The following RIN2 variants were observed in gnomAD, a reference collection of about 807,000 sequenced individuals.
RIN2 encodes Ras and Rab interactor 2.
A neutral mutation model predicts 78.0 loss-of-function variants in RIN2; 36 were observed. The ratio of observed to expected loss-of-function variants is 0.46; its 90% CI spans 0.35 to 0.61. The LOEUF (loss-of-function observed/expected upper bound fraction) is 0.61. Ranked by LOEUF, RIN2 falls within the 20% of genes least tolerant of loss-of-function variation. The pLI is 0.00. For synonymous variants in RIN2, 466 were observed against 466.8 expected (o/e 1.00, Z 0.02); for missense variants, 1,087 against 1,159.7 (o/e 0.94, Z 0.91).
chr20:19,895,505 A>G (rs932268098), intron 3 of RIN2, among the ~76,000 whole-genome samples: 2 of 152,146 alleles, frequency 1.3e-5, no homozygotes, highest in African/African-American at 4.8e-5. Context: ...GTGAGAGTTG[A>G]GAGTTGCTCT....
At chr20:19,940,369 C>T (rs546340538) in intron 4 of RIN2, among the ~76,000 whole-genome samples, 7 of 152,194 alleles carry the variant, frequency 4.6e-5, no homozygotes, top group South Asian at 2.1e-4. Context: ...GGCCACCAAC[C>T]GGTGCATAAA....
At chr20:19,821,215 C>G (rs1046103870) in intron 2 of RIN2, among the ~76,000 whole-genome samples, 1 of 152,212 alleles carries the variant, frequency 6.6e-6, no homozygotes, top group Non-Finnish European at 1.5e-5. Flanking sequence ...ACAGGCTCCT[C>G]AAATTTAGCT....
chr20:19,859,977 A>G (rs957572453), intron 2 of RIN2, among the ~76,000 whole-genome samples: 1 of 152,160 alleles, frequency 6.6e-6, no homozygotes, highest in African/African-American at 2.4e-5. Context: ...CAAGCCTGGC[A>G]CCCCTGTGGA....
At chr20:19,777,661 G>T (rs757988045) in intron 1 of RIN2, among the ~76,000 whole-genome samples, 5 of 152,190 alleles carry the variant, frequency 3.3e-5, no homozygotes, top group Non-Finnish European at 7.3e-5. Flanking sequence ...ATTCATTTCT[G>T]GCTGAGACGA....
chr20:19,957,435 G>C (rs1044194352), intron 5 of RIN2, among the ~76,000 whole-genome samples: 4 of 152,074 alleles, frequency 2.6e-5, no homozygotes, highest in African/African-American at 9.7e-5. Flanking sequence ...CCAGCACTTT[G>C]GGAGGCCAAG....
intron 1 of RIN2, among the ~76,000 whole-genome samples, chr20:19,760,683 CG>C (rs1371608470): frequency 6.6e-6 from 1 of 152,138 alleles, no homozygotes; most frequent in African/African-American, 2.4e-5. Flanking sequence ...GGTCCATGCT[CG>C]TGTGACCCAT....
chr20:19,878,941 C>T (rs2037937875), intron 2 of RIN2, among the ~76,000 whole-genome samples: 1 of 152,164 alleles, frequency 6.6e-6, no homozygotes, highest in South Asian at 2.1e-4. Context: ...CCACACCTGC[C>T]CTGTCTGGCC....
chr20:19,923,549 G>A (rs1451898294), intron 3 of RIN2, among the ~76,000 whole-genome samples: 1 of 151,946 alleles, frequency 6.6e-6, no homozygotes, highest in Non-Finnish European at 1.5e-5. Flanking sequence ...AGGCCAAGGT[G>A]GGAGGATTAC....
At chr20:19,965,654 C>T (rs930065070) in intron 7 of RIN2, among the ~76,000 whole-genome samples, 1 of 152,212 alleles carries the variant, frequency 6.6e-6, no homozygotes, top group Non-Finnish European at 1.5e-5. Flanking sequence ...CTCTGTCACC[C>T]AGGCTGGAGA....
intron 12 of RIN2, among the ~76,000 whole-genome samples, chr20:19,998,042 G>A (rs1364048581): frequency 1.3e-5 from 2 of 150,642 alleles, no homozygotes; most frequent in Admixed American, 6.6e-5. Context: ...GTGGTGGCAC[G>A]ATCTCTGCTC....
intron 6 of RIN2, 79 bp downstream of exon 6, chr20:19,960,890 G>T (rs1600954574): frequency 1.2e-6 from 1 of 867,366 alleles, no homozygotes. Context: ...AAGGAGCTCT[G>T]GTTATGAGAT....
intron 1 of RIN2, among the ~76,000 whole-genome samples, chr20:19,775,892 C>T (rs761769430): frequency 2.6e-5 from 4 of 152,240 alleles, no homozygotes; most frequent in Non-Finnish European, 4.4e-5. Flanking sequence ...TCAGAGCCTC[C>T]GGCTTCGCTC....
At chr20:19,995,366 G>A (rs1307312169) in intron 11 of RIN2, among the ~76,000 whole-genome samples, 2 of 151,688 alleles carry the variant, frequency 1.3e-5, no homozygotes, top group Admixed American at 6.6e-5. Context: ...GTGGCTCACA[G>A]TAGAGATTCA....
intron 2 of RIN2, among the ~76,000 whole-genome samples, chr20:19,860,944 A>G (rs7271170): frequency 0.012 from 1,778 of 152,322 alleles, 26 homozygotes; most frequent in African/African-American, 0.041. Context: ...CAGATAACCC[A>G]GGAAAGTAGC....
intron 3 of RIN2, 116 bp downstream of exon 3, chr20:19,889,774 A>G: frequency 1.3e-6 from 1 of 799,930 alleles, no homozygotes; most frequent in Non-Finnish European, 1.9e-6. Context: ...GCACCGGCTA[A>G]GGGAGCTTGC....
intron 4 of RIN2, among the ~76,000 whole-genome samples, chr20:19,951,137 A>G (rs4814926): frequency 0.39 from 59,320 of 151,894 alleles, 14,983 homozygotes; most frequent in African/African-American, 0.7. Flanking sequence ...CAAGCGATCC[A>G]TACACCTTGC....
At chr20:19,921,005 T>C (rs925112275) in intron 3 of RIN2, among the ~76,000 whole-genome samples, 10 of 152,060 alleles carry the variant, frequency 6.6e-5, no homozygotes, top group Non-Finnish European at 1.2e-4. Flanking sequence ...GTTTGTTTGT[T>C]TGTTTGTTTT....
At chr20:19,942,261 C>T (rs1347868961) in intron 4 of RIN2, among the ~76,000 whole-genome samples, 15 of 151,864 alleles carry the variant, frequency 9.9e-5, no homozygotes, top group East Asian at 1.9e-4. Flanking sequence ...TAATAGAATA[C>T]GTCAGATGAA....
intron 8 of RIN2, among the ~76,000 whole-genome samples, chr20:19,974,177 G>C (rs2042193806): frequency 6.6e-6 from 1 of 152,158 alleles, no homozygotes; most frequent in Non-Finnish European, 1.5e-5. Context: ...TGCTGGTCCT[G>C]CCCATTAAAG....
Sources: allele counts gnomAD v4.1 joint callset (sites outside exome capture counted in the v4.1 genomes callset), GRCh38; gene constraint gnomAD v4.1.1; transcripts MANE v1.5; gene names NCBI Gene and HGNC (gene_info 2026-07-23, HGNC 2026-07-21).